Variants in RAD51B observed in about 807,000 individuals in gnomAD.
RAD51B encodes RAD51 paralog B.
RAD51B carries 38 observed loss-of-function variants against 42.2 expected under a neutral mutation model. The ratio of observed to expected loss-of-function variants is 0.90; its 90% CI spans 0.70 to 1.18. The LOEUF is 1.18. RAD51B is among the 50% of genes most tolerant of loss of function. The pLI, the probability that RAD51B is intolerant of heterozygous loss-of-function variation, is 0.00. For synonymous variants in RAD51B, 154 were observed against 145.2 expected (o/e 1.06, Z -0.43); for missense variants, 373 against 400.7 (o/e 0.93, Z 0.59).
At chr14:68,198,897 C>G (rs542825131) in intron 7 of RAD51B, among the ~76,000 whole-genome samples, 11 of 152,214 alleles carry the variant, frequency 7.2e-5, no homozygotes, top group African/African-American at 2.4e-4. Flanking sequence ...CACAAAACAC[C>G]CTATTCCATT....
chr14:67,859,662 A>G (rs369269071), intron 4 of RAD51B, among the ~76,000 whole-genome samples: 3 of 152,364 alleles, frequency 2.0e-5, no homozygotes, highest in South Asian at 4.1e-4. Context: ...CTCAGTATCT[A>G]GAAAAATGTC....
At chr14:68,153,955 CTT>C (rs2078445536) in intron 7 of RAD51B, among the ~76,000 whole-genome samples, 1 of 152,170 alleles carries the variant, frequency 6.6e-6, no homozygotes, top group African/African-American at 2.4e-5. Context: ...AAAAGAATCT[CTT>C]TGTCAATAAG....
chr14:67,887,293 A>G, intron 7 of RAD51B, 89 bp downstream of exon 7: 1 of 1,167,528 alleles, frequency 8.6e-7, no homozygotes, highest in Non-Finnish European at 1.2e-6. Context: ...AAATAATAAA[A>G]TTAGAGGAAA....
chr14:68,607,063 AT>A (rs2140101818), intron 10 of RAD51B, among the ~76,000 whole-genome samples: 1 of 152,292 alleles, frequency 6.6e-6, no homozygotes, highest in South Asian at 2.1e-4. Flanking sequence ...AGGCGCCGTA[AT>A]TTAAGTCCAG....
At chr14:68,412,725 G>A (rs1220550443) in intron 9 of RAD51B, among the ~76,000 whole-genome samples, 1 of 152,156 alleles carries the variant, frequency 6.6e-6, no homozygotes, top group East Asian at 1.9e-4. Context: ...TACCTCAATG[G>A]CACCTTTTCC....
downstream of RAD51B, among the ~76,000 whole-genome samples, chr14:68,481,687 C>T (rs1293396451): frequency 6.6e-6 from 1 of 152,186 alleles, no homozygotes; most frequent in African/African-American, 2.4e-5. Context: ...AGTTTGTCAC[C>T]AGAAAGGATG....
At chr14:68,548,504 G>A (rs1390632635) in intron 10 of RAD51B, among the ~76,000 whole-genome samples, 1 of 152,246 alleles carries the variant, frequency 6.6e-6, no homozygotes, top group African/African-American at 2.4e-5. Flanking sequence ...TTACTCCGCA[G>A]GAGCTGGTTC....
At chr14:68,437,892 T>A (rs1385760201) in intron 9 of RAD51B, among the ~76,000 whole-genome samples, 1 of 152,152 alleles carries the variant, frequency 6.6e-6, no homozygotes, top group Non-Finnish European at 1.5e-5. Flanking sequence ...ACTTGAAAAG[T>A]GCATTGGTAT....
At chr14:68,392,914 GC>G (rs2083800377) in intron 8 of RAD51B, among the ~76,000 whole-genome samples, 1 of 152,144 alleles carries the variant, frequency 6.6e-6, no homozygotes, top group African/African-American at 2.4e-5. Context: ...AGCTTTACAA[GC>G]TGACATAGGA....
intron 7 of RAD51B, among the ~76,000 whole-genome samples, chr14:68,187,086 A>G (rs2079173481): frequency 6.6e-6 from 1 of 152,168 alleles, no homozygotes; most frequent in Non-Finnish European, 1.5e-5. Flanking sequence ...CCATTATCCT[A>G]AGTGAATTAA....
At chr14:68,378,964 G>A (rs1213472196) in intron 8 of RAD51B, among the ~76,000 whole-genome samples, 2 of 152,158 alleles carry the variant, frequency 1.3e-5, no homozygotes, top group Non-Finnish European at 2.9e-5. Context: ...CATATCTTCT[G>A]ATTCAGTCTA....
intron 7 of RAD51B, among the ~76,000 whole-genome samples, chr14:67,978,410 C>T (rs946080689): frequency 2.5e-4 from 36 of 146,212 alleles, no homozygotes; most frequent in African/African-American, 8.5e-4. Flanking sequence ...CCAGCCTCTG[C>T]GTTTTTTCCT....
chr14:68,292,528 A>G (rs549374842), intron 8 of RAD51B, among the ~76,000 whole-genome samples: 21 of 152,210 alleles, frequency 1.4e-4, no homozygotes, highest in Non-Finnish European at 2.8e-4. Context: ...TAGCTGGGGA[A>G]ATAACACCAA....
intron 7 of RAD51B, among the ~76,000 whole-genome samples, chr14:68,238,939 G>C (rs1769059405): frequency 6.6e-6 from 1 of 152,212 alleles, no homozygotes; most frequent in South Asian, 2.1e-4. Flanking sequence ...CTTTTCAGCT[G>C]TGATGTTCTG....
rs11341781 is a variant in RAD51B at position 68,518,554 on chromosome 14, G to GCC, written c.1036+50313_1036+50314dup. On this transcript the variant is annotated intron_variant, in intron 10 of 10. Coordinates refer to the RAD51B transcript ENST00000487270. ...CCGATGGTGACCCCAGGTCATATGA[G>GCC]CCCCCCCCCCAGGCCTCCCCCATCC... Among the ~76,000 whole-genome samples, 193 of 137,376 alleles carry GCC rather than the reference G, an allele frequency of 1.4e-3. 1 individual carries two copies. Among genetic ancestry groups the GCC allele is most frequent in the East Asian group, 2.5e-3 (11 of 4,382 alleles). 90.1% of individuals were successfully genotyped at this position (137,376 alleles called of 152,430 possible).
At chr14:68,155,278 G>A (rs1434941856) in intron 7 of RAD51B, among the ~76,000 whole-genome samples, 6 of 151,106 alleles carry the variant, frequency 4.0e-5, no homozygotes, top group East Asian at 2.0e-4. Context: ...TGCAAGCTCC[G>A]CCTCCCGGGT....
chr14:68,319,530 C>A (rs1270324458), intron 8 of RAD51B, among the ~76,000 whole-genome samples: 1 of 152,158 alleles, frequency 6.6e-6, no homozygotes, highest in Non-Finnish European at 1.5e-5. Context: ...CCAGTCATAC[C>A]AAGTGAAAGG....
intron 7 of RAD51B, among the ~76,000 whole-genome samples, chr14:68,272,666 T>TATATATATATATATATA (rs58623449): frequency 4.4e-3 from 22 of 4,956 alleles, no homozygotes; most frequent in East Asian, 9.6e-3. Context: ...TATATATATA[T>TATATATATATATATATA]TTTTTTTTTT....
intron 8 of RAD51B, among the ~76,000 whole-genome samples, chr14:68,368,033 T>A (rs975858427): frequency 1.3e-5 from 2 of 152,254 alleles, no homozygotes; most frequent in African/African-American, 4.8e-5. Context: ...CCAAAAAGAA[T>A]TAGCAGAATT....
Sources: gnomAD v4.1 joint callset for allele counts (sites outside exome capture counted in the v4.1 genomes callset) on GRCh38, gnomAD v4.1.1 for gene constraint, MANE v1.5 for transcripts, NCBI Gene and HGNC (gene_info 2026-07-23, HGNC 2026-07-21) for gene names.